Variants in TCF4 observed in about 807,000 individuals in gnomAD.
TCF4 encodes SL3-3 enhancer factor 2.
TCF4 carries 3 observed loss-of-function variants against 82.1 expected under a neutral mutation model. The observed-to-expected ratio is 0.04, with a 90% CI of 0.02 to 0.09. The LOEUF is 0.09. Ranked by LOEUF, TCF4 falls within the 10% of genes least tolerant of loss-of-function variation. The pLI is 1.00. For missense variants in TCF4, 518 were observed against 852.7 expected (o/e 0.61, Z 4.89); for synonymous variants, 276 against 309.6 (o/e 0.89, Z 1.14).
chr18:55,353,553 T>G (rs950253052), intron 6 of TCF4, among the ~76,000 whole-genome samples: 2 of 152,142 alleles, frequency 1.3e-5, no homozygotes, highest in Non-Finnish European at 2.9e-5. Context: ...TTCCTCACAT[T>G]TAAGGGGGCC....
chr18:55,345,365 C>A (rs1321451623), intron 8 of TCF4, among the ~76,000 whole-genome samples: 1 of 150,964 alleles, frequency 6.6e-6, no homozygotes, highest in Non-Finnish European at 1.5e-5. Context: ...TGCACACACA[C>A]AAAAATACTT....
At chr18:55,267,705 A>C (rs1191368941) in intron 11 of TCF4, 2 of 152,120 alleles carry the variant, frequency 1.3e-5, no homozygotes, top group Non-Finnish European at 2.9e-5. Context: ...TATTTCCTTA[A>C]AGATTATGCA....
intron 11 of TCF4, chr18:55,266,939 C>T: frequency 6.6e-6 from 1 of 152,122 alleles, no homozygotes. Flanking sequence ...AGTGTCAGTT[C>T]AGGACAACTG....
At chr18:55,301,822 G>GAA (rs2068411836) in intron 8 of TCF4, among the ~76,000 whole-genome samples, 1 of 137,170 alleles carries the variant, frequency 7.3e-6, no homozygotes, top group African/African-American at 2.7e-5. Flanking sequence ...AGTGGGGGGG[G>GAA]ATTCGGGTGG....
chr18:55,247,372 A>G (rs1158008278), intron 15 of TCF4, among the ~76,000 whole-genome samples: 1 of 152,246 alleles, frequency 6.6e-6, no homozygotes, highest in Non-Finnish European at 1.5e-5. Flanking sequence ...GCTACAACAT[A>G]ACATTCAATG....
intron 2 of TCF4, among the ~76,000 whole-genome samples, chr18:55,603,302 G>A (rs962892570): frequency 1.3e-5 from 2 of 152,096 alleles, no homozygotes; most frequent in African/African-American, 2.4e-5. Context: ...TCAGTAATTA[G>A]TCACCCTGGC....
chr18:55,392,326 C>G (rs954333896), intron 6 of TCF4, among the ~76,000 whole-genome samples: 1 of 151,794 alleles, frequency 6.6e-6, no homozygotes, highest in Non-Finnish European at 1.5e-5. Context: ...GTTGTCAATA[C>G]TGCTACTACA....
intron 3 of TCF4, chr18:55,551,596 C>T (rs1336559257): frequency 1.3e-5 from 2 of 152,540 alleles, no homozygotes; most frequent in African/African-American, 4.8e-5. Context: ...TCCATCTCCA[C>T]GAGAAACTTC....
chr18:55,577,075 A>G (rs537910974), intron 3 of TCF4, among the ~76,000 whole-genome samples: 1 of 146,164 alleles, frequency 6.8e-6, no homozygotes, highest in South Asian at 2.1e-4. Context: ...CTAAATATAT[A>G]TATATATTAT....
chr18:55,587,158 C>G, intron 1 of TCF4, 22 bp from the exon 2 acceptor site: 2 of 1,353,752 alleles, frequency 1.5e-6, no homozygotes, highest in Non-Finnish European at 1.9e-6. Context: ...GAAATAACCG[C>G]AATCAGAAAA....
At chr18:55,252,418 T>C (rs1158347191) in intron 15 of TCF4, among the ~76,000 whole-genome samples, 1 of 151,994 alleles carries the variant, frequency 6.6e-6, no homozygotes, top group Non-Finnish European at 1.5e-5. Context: ...CTATGTAATA[T>C]TGGCTAATTA....
chr18:55,255,680 G>A (rs1409559605), intron 14 of TCF4, among the ~76,000 whole-genome samples: 1 of 152,134 alleles, frequency 6.6e-6, no homozygotes, highest in Admixed American at 6.6e-5. Flanking sequence ...AGGCAGGGAA[G>A]ACATTATGAT....
At chr18:55,475,495 T>G (rs2096272295) in intron 3 of TCF4, among the ~76,000 whole-genome samples, 1 of 152,218 alleles carries the variant, frequency 6.6e-6, no homozygotes, top group Admixed American at 6.5e-5. Context: ...AATTTGTCCC[T>G]GTTGAACTAA....
rs553383582 is a variant in TCF4 at position 55,409,735 on chromosome 18, T to G, written c.305-6217A>C. On this transcript the variant is annotated intron_variant, in intron 5 of 19. Transcript: ENST00000354452. ...TTTTATTTAAATTGATATGAAAACA[T>G]TTTGACTATTTAATTTGCTGGTTTC... Among the ~76,000 whole-genome samples the G allele has an allele frequency of 2.4e-4, 36 of 152,312 alleles. 1 individual carries two copies. Among genetic ancestry groups the G allele is most frequent in the Middle Eastern group, 6.8e-3 (2 of 294 alleles).
In TCF4 at chr18:55,544,721, T is replaced by C. The variant is rs192052642; in HGVS notation, c.145+40559A>G. Among the ~76,000 whole-genome samples the C allele has an allele frequency of 1.0e-3, 158 of 152,286 alleles. 1 individual carries two copies. The highest frequency in any genetic ancestry group is 1.3e-4 in the Non-Finnish European group (9 of 68,014). On this transcript the variant is annotated intron_variant, in intron 3 of 19. Transcript: ENST00000354452. ...CAAATTCCTAAAAACAGTAGCTGAA[T>C]TCTTATGATGCAGAAATTAATCACC...
At chr18:55,520,800 C>A (rs1401199938) in intron 3 of TCF4, among the ~76,000 whole-genome samples, 3 of 152,148 alleles carry the variant, frequency 2.0e-5, no homozygotes, top group Admixed American at 6.6e-5. Context: ...ACAGAATTGT[C>A]TGACATTGCT....
At chr18:55,423,554 A>C (rs898824931) in intron 5 of TCF4, 2 of 152,186 alleles carry the variant, frequency 1.3e-5, no homozygotes, top group Non-Finnish European at 2.9e-5. Context: ...AGTGTAAGTG[A>C]AGATGACAAA....
At chr18:55,288,724 T>G (rs2064304297) in intron 8 of TCF4, among the ~76,000 whole-genome samples, 1 of 152,136 alleles carries the variant, frequency 6.6e-6, no homozygotes, top group Admixed American at 6.6e-5. Flanking sequence ...GCAGGACCAT[T>G]CATCTGTCTT....
chr18:55,379,398 G>A (rs2145818688), intron 6 of TCF4, among the ~76,000 whole-genome samples: 1 of 152,266 alleles, frequency 6.6e-6, no homozygotes, highest in African/African-American at 2.4e-5. Flanking sequence ...GTGTAGGGGA[G>A]GAGCTGAAAT....
Sources: gnomAD v4.1 joint callset for allele counts (sites outside exome capture counted in the v4.1 genomes callset) on GRCh38, gnomAD v4.1.1 for gene constraint, MANE v1.5 for transcripts, NCBI Gene and HGNC (gene_info 2026-07-23, HGNC 2026-07-21) for gene names.